The following BCORL1 variants were observed in gnomAD, a reference collection of about 807,000 sequenced individuals.
BCORL1 encodes the protein BCL6 corepressor like 1, also known as BCL-6 corepressor-like protein 1.
BCORL1 carries 7 observed loss-of-function variants against 87.6 expected under a neutral mutation model. The observed-to-expected ratio is 0.08, with a 90% confidence interval of 0.05 to 0.15. The LOEUF (loss-of-function observed/expected upper bound fraction) is 0.15, where lower values mean the gene tolerates loss of function less well. Ranked by LOEUF, BCORL1 falls within the 10% of genes least tolerant of loss-of-function variation. The pLI is 1.00. For missense variants in BCORL1, 1,215 were observed against 1,499.7 expected (o/e 0.81, Z 3.13); for synonymous variants, 591 against 634.4 (o/e 0.93, Z 1.03).
intron 11 of BCORL1, among the ~76,000 whole-genome samples, chrX:130,045,398 C>G (rs1931684101): frequency 9.0e-6 from 1 of 110,975 alleles, no homozygotes; most frequent in Admixed American, 9.6e-5. Context: ...ATTGTTTTTC[C>G]TGCTAGATAC....
At chrX:130,016,275 G>T in intron 4 of BCORL1, 62 bp downstream of exon 4, 1 of 1,119,201 alleles carries the variant, frequency 8.9e-7, no homozygotes. Flanking sequence ...TCGTGCCATG[G>T]ATAGCAACCT....
At position 130,013,265 on chromosome X, in the gene BCORL1, C is replaced by T. The variant is rs185537912; in HGVS notation, c.493C>T (p.Arg165Trp). 8 of 1,212,007 alleles carry T rather than the reference C, an allele frequency of 6.6e-6. No individual in the cohort carries two copies. Among genetic ancestry groups the T allele is most frequent in the Non-Finnish European group, 7.8e-6 (7 of 895,523 alleles). The change falls in exon 4 of 14, where the codon CGG (arginine) becomes TGG (tryptophan). Residue 165 changes from arginine (R) to tryptophan (W), a missense_variant. By Grantham distance (101) the Arg-to-Trp change is moderately radical (BLOSUM62 -3). Transcript: ENST00000540052. ...CGCCGGAGTAAAGGCTTTGGACTCT[C>T]GGCAAGGTGTTGGAGAGAAGAATAC... ...SPAGVKALDS[R>W]QGVGEKNTFI... is the part of the protein sequence containing the mutation.
intron 11 of BCORL1, among the ~76,000 whole-genome samples, chrX:130,048,825 C>A (rs1931906902): frequency 8.9e-6 from 1 of 111,871 alleles, no homozygotes; most frequent in Non-Finnish European, 1.9e-5. Flanking sequence ...CTCCCGCTCT[C>A]CCCCAGGCCC....
At chrX:130,022,875 C>T (rs748122414) in intron 5 of BCORL1, 22 bp from the exon 6 acceptor site, 2 of 1,196,584 alleles carry the variant, frequency 1.7e-6, no homozygotes, top group Non-Finnish European at 2.3e-6. Context: ...GCCTTCTGTC[C>T]CCAAACCACA....
chrX:130,041,614 T>C (rs1931320897), intron 11 of BCORL1, among the ~76,000 whole-genome samples: 1 of 112,154 alleles, frequency 8.9e-6, no homozygotes, highest in Admixed American at 9.5e-5. Context: ...CAGTCTATGT[T>C]GCAGAATTCA....
intron 1 of BCORL1, among the ~76,000 whole-genome samples, chrX:129,986,122 T>C (rs2124303470): frequency 8.9e-6 from 1 of 112,166 alleles, no homozygotes; most frequent in African/African-American, 3.2e-5. Flanking sequence ...TTGTCCTGGC[T>C]GTAAGTCATT....
rs1014058361 is a variant in BCORL1 at position 130,034,726 on chromosome X, T to C, written c.4527+50T>C. The C allele has an allele frequency of 4.5e-6, 4 of 881,701 alleles. No homozygotes were observed. The African/African-American group carries it at 6.3e-5, about 14-fold the overall frequency. 72.7% of individuals were successfully genotyped at this position (881,701 alleles called of 1,213,427 possible). On this transcript the variant is annotated intron_variant, in intron 9 of 13. Transcript: ENST00000540052. The stretch of plus-strand genomic sequence containing the variant: ...AGGGCGCCGTTGGTCTGAGCATCTA[T>C]GAAGAAGCTTTTCTCCATGGGCTCT...
intron 4 of BCORL1, 149 bp downstream of exon 4, chrX:130,016,362 GTAA>G (rs1929447705): frequency 1.3e-6 from 1 of 769,665 alleles, no homozygotes; most frequent in Admixed American, 3.9e-5. Flanking sequence ...TTTTGTAAAA[GTAA>G]TAATGACCTG....
Position 130,005,221 on chromosome X carries a change from G to A in BCORL1, c.-11G>A, listed in dbSNP as rs1391654465. The A allele has an allele frequency of 8.3e-7, 1 of 1,202,483 alleles. No homozygotes were observed. The highest frequency in any genetic ancestry group is 1.8e-5 in the South Asian group (1 of 55,603). On this transcript the variant is annotated 5_prime_UTR_variant, in exon 2 of 14. Coordinates refer to ENST00000540052, the MANE Select transcript of BCORL1 (RefSeq NM_001379451.1). ...GCCACAGCAGGTCCTATCTGGTGGT[G>A]AGTGGCTGTCATGATCTCTACAGCA...
intron 2 of BCORL1, among the ~76,000 whole-genome samples, chrX:130,006,023 T>C (rs5975164): frequency 0.1 from 11,629 of 111,060 alleles, 1,529 homozygotes; most frequent in African/African-American, 0.36. Flanking sequence ...GGAAGAAAGA[T>C]GGTTTTATTG....
chrX:130,010,329 C>T (rs1046045889), intron 2 of BCORL1, among the ~76,000 whole-genome samples: 6 of 112,180 alleles, frequency 5.3e-5, no homozygotes, highest in African/African-American at 1.6e-4. Context: ...AGTGGGAACA[C>T]GCTTCCCCCT....
intron 11 of BCORL1, among the ~76,000 whole-genome samples, chrX:130,049,653 C>T (rs998972512): frequency 1.4e-4 from 16 of 112,418 alleles, no homozygotes; most frequent in African/African-American, 5.2e-4. Flanking sequence ...CCACTGTGCC[C>T]GGCCTCATGT....
intron 1 of BCORL1, among the ~76,000 whole-genome samples, chrX:129,990,178 C>T (rs1233399050): frequency 9.0e-6 from 1 of 111,727 alleles, no homozygotes; most frequent in Non-Finnish European, 1.9e-5. Context: ...CAAAATCATC[C>T]CAGGCCCATA....
At chrX:129,996,557 A>G (rs929270221) in intron 1 of BCORL1, among the ~76,000 whole-genome samples, 1 of 111,808 alleles carries the variant, frequency 8.9e-6, no homozygotes, top group South Asian at 3.7e-4. Context: ...GTCTTCAGCC[A>G]CAAAGGGAAC....
intron 3 of BCORL1, 100 bp from the exon 4 acceptor site, chrX:130,012,850 C>T (rs1172536726): frequency 1.1e-5 from 12 of 1,118,863 alleles, no homozygotes; most frequent in South Asian, 4.2e-5. Flanking sequence ...CCTGGTTGGT[C>T]GAGTTGCAGA....
chrX:130,041,743 C>T (rs190998915), intron 11 of BCORL1, among the ~76,000 whole-genome samples: 189 of 111,466 alleles, frequency 1.7e-3, no homozygotes, highest in African/African-American at 5.7e-3. Flanking sequence ...TCTCCTGCCT[C>T]AGCCTCCCAA....
At chrX:130,008,442 T>C (rs940495031) in intron 2 of BCORL1, among the ~76,000 whole-genome samples, 2 of 110,662 alleles carry the variant, frequency 1.8e-5, no homozygotes, top group Non-Finnish European at 1.9e-5. Flanking sequence ...TTTGTATTTT[T>C]AGTAGAGACG....
chrX:130,043,663 C>T (rs1175914671), intron 11 of BCORL1, among the ~76,000 whole-genome samples: 1 of 102,024 alleles, frequency 9.8e-6, no homozygotes, highest in African/African-American at 3.6e-5. Context: ...CAACCTCCGC[C>T]TCCCAGGTTC....
intron 2 of BCORL1, among the ~76,000 whole-genome samples, chrX:130,012,345 A>AG (rs1929038640): frequency 9.0e-6 from 1 of 111,214 alleles, no homozygotes; most frequent in Admixed American, 9.6e-5. Context: ...CAGTCCAAAG[A>AG]GGGGGGTCTA....
Sources: allele counts gnomAD v4.1 joint callset (sites outside exome capture counted in the v4.1 genomes callset), GRCh38; gene constraint gnomAD v4.1.1; transcripts MANE v1.5; gene names NCBI Gene and HGNC (gene_info 2026-07-23, HGNC 2026-07-21).